PSD2: variants seen among roughly 807,000 people sequenced by gnomAD.
PSD2 encodes pleckstrin and Sec7 domain containing 2.
In PSD2, 38 loss-of-function variants were observed where a neutral mutation model predicts 69.8. That is an observed-to-expected ratio of 0.54 (90% CI 0.42 to 0.71). The LOEUF (loss-of-function observed/expected upper bound fraction) is 0.71, where lower values mean the gene tolerates loss of function less well. Among genes scored for constraint, PSD2 ranks in the 30% least tolerant of loss-of-function variants. The pLI, the probability that PSD2 is intolerant of heterozygous loss-of-function variation, is 0.00. For missense variants in PSD2, 943 were observed against 1,014.5 expected (o/e 0.93, Z 0.96); for synonymous variants, 412 against 423.0 (o/e 0.97, Z 0.32).
rs542673587 is a variant in PSD2 at position 139,814,902 on chromosome 5, G to A, written c.1016+538G>A. ...CCCCAAAGGGGACCAGGGGACAGGC[G>A]GGATTGCAGGACCGAGGAAGTCTGC... On this transcript the variant is annotated intron_variant, in intron 4 of 14. Coordinates refer to ENST00000274710, the MANE Select transcript of PSD2 (RefSeq NM_032289.4). The surrounding 1 kb of genome is among the most constrained non-coding windows in gnomAD (Gnocchi z 4.4). 2.0e-5 allele frequency among the ~76,000 whole-genome samples: 3 copies of A among 152,270 alleles called. No individual in the cohort carries two copies. The highest frequency in any genetic ancestry group is 4.1e-4 in the South Asian group (2 of 4,820).
Position 139,814,430 on chromosome 5 carries a change from T to C in PSD2, c.1016+66T>C. The C allele has an allele frequency of 3.4e-6, 5 of 1,450,214 alleles. No homozygotes were observed. Among genetic ancestry groups the C allele is most frequent in the Non-Finnish European group, 4.6e-6 (5 of 1,089,482 alleles). The allele number at this position is 1,450,214 out of a possible 1,614,324, so 89.8% of individuals were successfully genotyped here. Reference sequence around the variant, plus strand: ...CGTGTCTTCCTCAACCTGAAGAGGGTGTGGGTGACCTTCTTCAGGGGTGCC... The same window carrying C: ...CGTGTCTTCCTCAACCTGAAGAGGGCGTGGGTGACCTTCTTCAGGGGTGCC... On this transcript the variant is annotated intron_variant, in intron 4 of 14. Transcript: ENST00000274710. The surrounding 1 kb of genome is among the most constrained non-coding windows in gnomAD (Gnocchi z 4.4).
Position 139,842,369 on chromosome 5 carries a change from AG to A in PSD2, c.2215del (p.Asp739MetfsTer19), listed in dbSNP as rs1760893482. 1.2e-6 allele frequency: 2 copies of A among 1,614,096 alleles called. No homozygotes were observed. The highest frequency in any genetic ancestry group is 1.7e-6 in the Non-Finnish European group (2 of 1,180,042). On this transcript the variant is annotated frameshift_variant, in exon 15 of 15. Transcript: ENST00000274710. LOFTEE classifies it high-confidence loss of function. ...TTGAGGCCCGGCTGGCCACTCTGGA[AG>A]GGGATGACCCTTCTCTCCGGAAGAC... ...RIEARLATLE[G>X]DDPSLRKTHS... is the part of the protein sequence containing the mutation.
intron 7 of PSD2, among the ~76,000 whole-genome samples, chr5:139,823,648 G>A (rs1469532892): frequency 2.0e-5 from 3 of 152,240 alleles, no homozygotes; most frequent in Non-Finnish European, 4.4e-5. Context: ...ACATCTGTGA[G>A]GTGGGAATAA....
chr5:139,762,562 G>A, the PSD2 span, among the ~76,000 whole-genome samples: 12 of 152,176 alleles, frequency 7.9e-5, no homozygotes, highest in East Asian at 7.7e-4. Context: ...CATGCTGAGC[G>A]CTCAATAATT....
At chr5:139,805,001 G>C (rs569193864) in intron 1 of PSD2, among the ~76,000 whole-genome samples, 8 of 150,880 alleles carry the variant, frequency 5.3e-5, no homozygotes, top group South Asian at 2.1e-4. Flanking sequence ...GTGTGTCTCT[G>C]TGTGTGTGTG....
the PSD2 span, among the ~76,000 whole-genome samples, chr5:139,768,363 G>C: frequency 7.9e-5 from 12 of 152,164 alleles, no homozygotes; most frequent in Non-Finnish European, 1.8e-4. Flanking sequence ...GGGGAGAGGA[G>C]GGCATAAAAA....
At chr5:139,773,157 T>C in the PSD2 span, among the ~76,000 whole-genome samples, 1 of 152,310 alleles carries the variant, frequency 6.6e-6, no homozygotes, top group East Asian at 1.9e-4. Flanking sequence ...GTCATTCATC[T>C]CGCAAAACTG....
In PSD2 at chr5:139,832,386, T is replaced by C. The variant is rs146864520; in HGVS notation, c.1270-1316T>C. 1.9e-3 allele frequency among the ~76,000 whole-genome samples: 282 copies of C among 152,364 alleles called. 1 individual carries two copies. Among genetic ancestry groups the C allele is most frequent in the African/African-American group, 6.2e-3 (259 of 41,588 alleles). ...CATAGGATCTTTTCTCCTGAACTAGTTGGAAAAGGCATAGAAAGTTCTTGC... is the reference window on the plus strand; with the variant it reads ...CATAGGATCTTTTCTCCTGAACTAGCTGGAAAAGGCATAGAAAGTTCTTGC... On this transcript the variant is annotated intron_variant, in intron 7 of 14. Transcript: ENST00000274710.
At position 139,795,963 on chromosome 5, in the gene PSD2, G is replaced by T. The variant is rs924480967; in HGVS notation, c.-63G>T. ...GCCGTGAGAGGCCGGACCCGCGGCG[G>T]GGACCAGCAGCGGTGAGTGGGGCCG... On this transcript the variant is annotated 5_prime_UTR_variant, in exon 1 of 15. Coordinates refer to ENST00000274710, the MANE Select transcript of PSD2 (RefSeq NM_032289.4). This position sits in a 1 kb window ranked among gnomAD's most constrained non-coding sequence, Gnocchi z 4.5. 2.7e-5 allele frequency: 4 copies of T among 150,942 alleles called. No homozygotes were observed. The highest frequency in any genetic ancestry group is 5.9e-5 in the Non-Finnish European group (4 of 67,622). 9.4% of individuals were successfully genotyped at this position (150,942 alleles called of 1,614,324 possible).
upstream of PSD2, among the ~76,000 whole-genome samples, chr5:139,795,077 C>A (rs1409145484): frequency 6.6e-6 from 1 of 152,168 alleles, no homozygotes; most frequent in African/African-American, 2.4e-5. The surrounding 1 kb of genome is among the most constrained non-coding windows in gnomAD (Gnocchi z 4.5). Flanking sequence ...TCCCCTTGAC[C>A]TGGCACAGGG....
chr5:139,842,808 C>A lies in PSD2; in HGVS notation c.*334C>A. On this transcript the variant is annotated 3_prime_UTR_variant, in exon 15 of 15. Coordinates refer to ENST00000274710, the MANE Select transcript of PSD2 (RefSeq NM_032289.4). ...TTGTCTTCCCAGGTCTTTCTCTTCT[C>A]ATCAAGCTCCTCTCCTCATCTTTTT... 4.2e-6 allele frequency: 1 copy of A among 237,340 alleles called. No homozygotes were observed. Among genetic ancestry groups the A allele is most frequent in the Non-Finnish European group, 8.3e-6 (1 of 120,952 alleles). 14.7% of individuals were successfully genotyped at this position (237,340 alleles called of 1,614,324 possible). A position where few individuals can be genotyped will look rare whatever the true frequency, so the allele number is the denominator to read the frequency against.
At position 139,833,445 on chromosome 5, in the gene PSD2, C is replaced by A. The variant is rs138821616; in HGVS notation, c.1270-257C>A. Among the ~76,000 whole-genome samples the A allele has an allele frequency of 2.0e-5, 3 of 152,314 alleles. No homozygotes were observed. In the East Asian group the frequency reaches 5.8e-4, roughly 29 times the overall value. The stretch of plus-strand genomic sequence containing the variant: ...GGCACCTGGCAAATGTCAGCTCTTA[C>A]AACTCTTCATCCAGCCCAACTCCTT... On this transcript the variant is annotated intron_variant, in intron 7 of 14. Transcript: ENST00000274710.
At chr5:139,767,557 T>C in the PSD2 span, among the ~76,000 whole-genome samples, 3 of 151,562 alleles carry the variant, frequency 2.0e-5, no homozygotes, top group Non-Finnish European at 4.4e-5. Context: ...TCAAGTGATC[T>C]GCCCACCTCG....
Position 139,814,083 on chromosome 5 carries a change from A to G in PSD2, c.822-87A>G. ...CTGTTCTGGCCCCTACATGGTTTGC[A>G]GTGGCCTGGGGAAACCTCCCAGCCT... On this transcript the variant is annotated intron_variant, in intron 3 of 14. Coordinates refer to ENST00000274710, the MANE Select transcript of PSD2 (RefSeq NM_032289.4). The surrounding 1 kb of genome is among the most constrained non-coding windows in gnomAD (Gnocchi z 4.4). 7.7e-7 allele frequency: 1 copy of G among 1,301,002 alleles called. No homozygotes were observed. Among genetic ancestry groups the G allele is most frequent in the Non-Finnish European group, 1.1e-6 (1 of 922,024 alleles). The allele number at this position is 1,301,002 out of a possible 1,614,324, so 80.6% of individuals were successfully genotyped here.
intron 2 of PSD2, among the ~76,000 whole-genome samples, chr5:139,811,062 G>T (rs988288671): frequency 1.3e-5 from 2 of 152,188 alleles, no homozygotes; most frequent in African/African-American, 4.8e-5. Flanking sequence ...CACAGGCCTG[G>T]CAGAGGTGTC....
chr5:139,766,867 C>T, the PSD2 span, among the ~76,000 whole-genome samples: 1 of 150,192 alleles, frequency 6.7e-6, no homozygotes, highest in Non-Finnish European at 1.5e-5. Flanking sequence ...TTCTTTCTTT[C>T]TTTCTTTCTT....
At chr5:139,790,473 T>C in the PSD2 span, among the ~76,000 whole-genome samples, 6 of 151,478 alleles carry the variant, frequency 4.0e-5, no homozygotes, top group Admixed American at 2.0e-4. Flanking sequence ...GACCGAGGAC[T>C]GAGCCCTGGG....
At chr5:139,826,496 G>C (rs964978112) in intron 7 of PSD2, among the ~76,000 whole-genome samples, 1 of 152,184 alleles carries the variant, frequency 6.6e-6, no homozygotes, top group Non-Finnish European at 1.5e-5. Context: ...AAGAAAGTGA[G>C]GCAGAAAGTG....
chr5:139,802,457 G>C (rs561050771), intron 1 of PSD2, among the ~76,000 whole-genome samples: 46 of 151,726 alleles, frequency 3.0e-4, no homozygotes, highest in African/African-American at 1.1e-3. Context: ...GTCCATTGTA[G>C]CTCTCAGGAT....
Sources: allele counts gnomAD v4.1 joint callset (sites outside exome capture counted in the v4.1 genomes callset), GRCh38; gene constraint gnomAD v4.1.1; non-coding constraint Gnocchi (gnomAD v3.1); transcripts MANE v1.5; gene names NCBI Gene and HGNC (gene_info 2026-07-23, HGNC 2026-07-21).